Variants in FAM107B observed in about 807,000 individuals in gnomAD.
The protein encoded by FAM107B is family with sequence similarity 107 member B, also known as protein FAM107B.
Under a neutral mutation model 31.5 loss-of-function variants are expected in FAM107B, and 21 were observed. The observed-to-expected ratio is 0.67, with a 90% CI of 0.47 to 0.96. The LOEUF is 0.96. Among genes scored for constraint, FAM107B ranks in the 40% least tolerant of loss-of-function variants. FAM107B has a pLI of 0.00. For missense variants in FAM107B, 452 were observed against 377.1 expected (o/e 1.20, Z -1.64); for synonymous variants, 157 against 141.5 (o/e 1.11, Z -0.78).
At chr10:14,601,567 G>C (rs1433059482) in intron 2 of FAM107B, among the ~76,000 whole-genome samples, 1 of 152,084 alleles carries the variant, frequency 6.6e-6, no homozygotes, top group Non-Finnish European at 1.5e-5. Flanking sequence ...CTCCACAGCA[G>C]CTTTCCCACC....
At chr10:14,707,142 AC>A (rs1855539321) in intron 1 of FAM107B, among the ~76,000 whole-genome samples, 1 of 151,898 alleles carries the variant, frequency 6.6e-6, no homozygotes, top group East Asian at 1.9e-4. Flanking sequence ...AAACAAAACA[AC>A]AACAACAAAA....
At chr10:14,693,081 G>A (rs1855181021) in intron 1 of FAM107B, among the ~76,000 whole-genome samples, 1 of 152,222 alleles carries the variant, frequency 6.6e-6, no homozygotes, top group South Asian at 2.1e-4. Context: ...ATCGCAGAGA[G>A]CTGATGACTT....
At chr10:14,533,523 C>T (rs997929163) in intron 2 of FAM107B, among the ~76,000 whole-genome samples, 1 of 152,152 alleles carries the variant, frequency 6.6e-6, no homozygotes, top group Non-Finnish European at 1.5e-5. Flanking sequence ...ACTCGCTCTC[C>T]TTTACCTGAC....
chr10:14,734,102 A>G (rs765958442), intron 1 of FAM107B, among the ~76,000 whole-genome samples: 1 of 140,210 alleles, frequency 7.1e-6, no homozygotes, highest in Non-Finnish European at 1.5e-5. Context: ...AAAAAAAAAT[A>G]TATACAACTT....
At chr10:14,578,514 G>A (rs76325569) in intron 2 of FAM107B, among the ~76,000 whole-genome samples, 4,042 of 152,236 alleles carry the variant, frequency 0.027, 73 homozygotes, top group East Asian at 0.089. Context: ...AAAAAAAAGA[G>A]ATCCATCAGA....
chr10:14,753,932 T>G (rs1832878647), intron 1 of FAM107B, among the ~76,000 whole-genome samples: 1 of 148,674 alleles, frequency 6.7e-6, no homozygotes, highest in Non-Finnish European at 1.5e-5. Context: ...AGATGAAAAG[T>G]CTTTTTTTTC....
At chr10:14,682,192 G>A (rs1854852318) in intron 1 of FAM107B, among the ~76,000 whole-genome samples, 1 of 152,200 alleles carries the variant, frequency 6.6e-6, no homozygotes. Flanking sequence ...TTGCCGAACA[G>A]TATGCAGAAC....
intron 1 of FAM107B, among the ~76,000 whole-genome samples, chr10:14,729,632 G>T (rs370084537): frequency 2.4e-4 from 36 of 152,248 alleles, no homozygotes; most frequent in African/African-American, 8.4e-4. Flanking sequence ...ATCACCTGAG[G>T]AGCTTAAAAA....
intron 2 of FAM107B, among the ~76,000 whole-genome samples, chr10:14,551,546 CAGT>C (rs1564556466): frequency 1.3e-5 from 2 of 150,432 alleles, no homozygotes; most frequent in Non-Finnish European, 2.9e-5. Context: ...TACATAAACA[CAGT>C]GGTACATGGG....
intron 2 of FAM107B, among the ~76,000 whole-genome samples, chr10:14,611,753 C>T (rs190027790): frequency 1.3e-5 from 2 of 151,840 alleles, no homozygotes; most frequent in Non-Finnish European, 2.9e-5. Flanking sequence ...AAATCAAGAT[C>T]TTGGCAGGGC....
At chr10:14,666,938 G>A (rs1377547526) in intron 2 of FAM107B, among the ~76,000 whole-genome samples, 1 of 152,000 alleles carries the variant, frequency 6.6e-6, no homozygotes, top group African/African-American at 2.4e-5. Context: ...AAGAACATGA[G>A]CCTTTGCCAG....
chr10:14,721,391 T>C (rs919467748), intron 1 of FAM107B, among the ~76,000 whole-genome samples: 3 of 152,220 alleles, frequency 2.0e-5, no homozygotes, highest in African/African-American at 7.2e-5. Context: ...AAATGGTATT[T>C]CTAGTTCTAG....
At chr10:14,664,634 C>G (rs1854360833) in intron 2 of FAM107B, among the ~76,000 whole-genome samples, 1 of 152,176 alleles carries the variant, frequency 6.6e-6, no homozygotes, top group South Asian at 2.1e-4. Flanking sequence ...GTTATACCAT[C>G]TAGGTTTGTG....
intron 2 of FAM107B, among the ~76,000 whole-genome samples, chr10:14,576,319 G>A (rs1482266212): frequency 1.3e-5 from 2 of 152,224 alleles, no homozygotes; most frequent in Non-Finnish European, 1.5e-5. Flanking sequence ...ACGAGGTCAG[G>A]AGTTCGAGAC....
chr10:14,737,896 G>A (rs1176254763), intron 1 of FAM107B, among the ~76,000 whole-genome samples: 1 of 151,646 alleles, frequency 6.6e-6, no homozygotes, highest in Non-Finnish European at 1.5e-5. Flanking sequence ...CCTGACTGGT[G>A]ACGATGTTAT....
At chr10:14,746,063 G>A (rs533527562) in intron 1 of FAM107B, among the ~76,000 whole-genome samples, 1 of 151,698 alleles carries the variant, frequency 6.6e-6, no homozygotes, top group East Asian at 1.9e-4. Context: ...GCCTTTCTTT[G>A]TCTTTTTTGA....
intron 1 of FAM107B, among the ~76,000 whole-genome samples, chr10:14,712,087 A>G (rs1855662188): frequency 6.6e-6 from 1 of 152,206 alleles, no homozygotes; most frequent in South Asian, 2.1e-4. Context: ...CAAAGTGAAG[A>G]AGACAGGACT....
At chr10:14,689,975 G>C (rs1360415988) in intron 1 of FAM107B, among the ~76,000 whole-genome samples, 1 of 95,056 alleles carries the variant, frequency 1.1e-5, no homozygotes, top group East Asian at 3.5e-4. Context: ...GAAATAGAAA[G>C]AAAAAAAGAA....
At chr10:14,714,124 C>G (rs1203377776) in intron 1 of FAM107B, among the ~76,000 whole-genome samples, 1 of 152,160 alleles carries the variant, frequency 6.6e-6, no homozygotes, top group Non-Finnish European at 1.5e-5. Context: ...ATACCAAAGC[C>G]CTGTGACACA....
Sources: gnomAD v4.1 joint callset for allele counts (sites outside exome capture counted in the v4.1 genomes callset) on GRCh38, gnomAD v4.1.1 for gene constraint, MANE v1.5 for transcripts, NCBI Gene and HGNC (gene_info 2026-07-23, HGNC 2026-07-21) for gene names.